The following CLDN10 variants were observed in gnomAD, a reference collection of about 807,000 sequenced individuals.
CLDN10 encodes the protein claudin-10.
CLDN10 carries 15 observed loss-of-function variants against 22.9 expected under a neutral mutation model. That is an observed-to-expected ratio of 0.65 (90% confidence interval 0.44 to 1.01). The LOEUF is 1.01. Among genes scored for constraint, CLDN10 ranks in the 50% least tolerant of loss-of-function variants. The probability of loss-of-function intolerance (pLI) is 0.00; values close to 1 mark genes in which losing one functional copy is unlikely to be tolerated. For missense variants in CLDN10, 247 were observed against 287.8 expected (o/e 0.86, Z 1.03); for synonymous variants, 114 against 111.4 (o/e 1.02, Z -0.15).
intron 1 of CLDN10, among the ~76,000 whole-genome samples, chr13:95,547,044 A>G (rs1359334176): frequency 7.3e-6 from 1 of 136,654 alleles, no homozygotes; most frequent in Non-Finnish European, 1.6e-5. Flanking sequence ...GCGGCTGGCT[A>G]ACTTTTTTTT....
intron 1 of CLDN10, among the ~76,000 whole-genome samples, chr13:95,524,750 G>A (rs1323942249): frequency 7.2e-5 from 11 of 152,068 alleles, no homozygotes; most frequent in South Asian, 2.1e-4. Flanking sequence ...TTTCCACAGC[G>A]GCTGCATCAT....
At chr13:95,518,561 G>A (rs1369188042) in intron 1 of CLDN10, among the ~76,000 whole-genome samples, 1 of 152,092 alleles carries the variant, frequency 6.6e-6, no homozygotes, top group East Asian at 1.9e-4. Context: ...TTCAAGACGA[G>A]CCTGGCCAAC....
At chr13:95,567,119 C>T (rs928564474) in intron 3 of CLDN10, among the ~76,000 whole-genome samples, 7 of 152,114 alleles carry the variant, frequency 4.6e-5, no homozygotes, top group Non-Finnish European at 8.8e-5. Flanking sequence ...CTTTTGGTTT[C>T]ATATGAATTT....
At chr13:95,541,564 G>GAGA (rs1459905336) in intron 1 of CLDN10, among the ~76,000 whole-genome samples, 2 of 152,052 alleles carry the variant, frequency 1.3e-5, no homozygotes, top group Non-Finnish European at 2.9e-5. Flanking sequence ...AGGGGAGGAG[G>GAGA]AGACAATATT....
At chr13:95,512,784 T>C (rs1409251261) in intron 1 of CLDN10, among the ~76,000 whole-genome samples, 8 of 152,250 alleles carry the variant, frequency 5.3e-5, no homozygotes, top group Non-Finnish European at 1.0e-4. Context: ...CTGAACCTGA[T>C]TAGGGAAAAA....
intron 1 of CLDN10, among the ~76,000 whole-genome samples, chr13:95,539,898 T>A (rs139404753): frequency 2.7e-3 from 404 of 152,348 alleles, no homozygotes; most frequent in African/African-American, 9.3e-3. Flanking sequence ...CTCACGCCTG[T>A]AATATCAGCA....
chr13:95,558,235 A>G (rs2043662171), intron 1 of CLDN10, among the ~76,000 whole-genome samples: 1 of 152,136 alleles, frequency 6.6e-6, no homozygotes, highest in African/African-American at 2.4e-5. Context: ...TCAAACTTGC[A>G]AGGGACTGAC....
At chr13:95,548,223 G>A (rs2043529866), upstream of CLDN10, among the ~76,000 whole-genome samples, 2 of 152,228 alleles carry the variant, frequency 1.3e-5, no homozygotes, top group African/African-American at 4.8e-5. Flanking sequence ...TAGCATCACA[G>A]AGTGAGAGTA....
chr13:95,498,252 C>G (rs184787225), intron 1 of CLDN10, among the ~76,000 whole-genome samples: 10 of 152,306 alleles, frequency 6.6e-5, no homozygotes, highest in African/African-American at 2.4e-4. Flanking sequence ...GGATCCACAA[C>G]GCCAAACTCC....
chr13:95,451,394 G>A (rs1355461550), intron 1 of CLDN10, among the ~76,000 whole-genome samples: 2 of 152,150 alleles, frequency 1.3e-5, no homozygotes, highest in East Asian at 3.9e-4. Context: ...CTAGCTAGAA[G>A]GGACTTTTGT....
intron 1 of CLDN10, among the ~76,000 whole-genome samples, chr13:95,530,982 G>C (rs1018595637): frequency 2.0e-5 from 3 of 150,584 alleles, no homozygotes; most frequent in African/African-American, 7.4e-5. Context: ...GCTGAGTGCA[G>C]CGGCACAATC....
chr13:95,448,306 T>C (rs1486515546), intron 1 of CLDN10, among the ~76,000 whole-genome samples: 1 of 152,064 alleles, frequency 6.6e-6, no homozygotes, highest in Middle Eastern at 3.4e-3. Flanking sequence ...CCATTTGCCA[T>C]GCAATCATAC....
At chr13:95,497,224 G>C (rs564845005) in intron 1 of CLDN10, 1 of 152,114 alleles carries the variant, frequency 6.6e-6, no homozygotes, top group East Asian at 1.9e-4. Flanking sequence ...ACATATTATA[G>C]TGAATGAAAC....
chr13:95,506,947 G>A (rs569830096), intron 1 of CLDN10, among the ~76,000 whole-genome samples: 17 of 152,218 alleles, frequency 1.1e-4, no homozygotes, highest in Middle Eastern at 3.4e-3. Context: ...AATTGGGGCC[G>A]GGCTGAACAT....
chr13:95,461,561 C>A (rs1464269763), intron 1 of CLDN10, among the ~76,000 whole-genome samples: 1 of 152,170 alleles, frequency 6.6e-6, no homozygotes, highest in East Asian at 1.9e-4. Flanking sequence ...ATACCAGACC[C>A]CATTTTCATT....
chr13:95,484,535 T>C (rs910764007), intron 1 of CLDN10, among the ~76,000 whole-genome samples: 1 of 151,868 alleles, frequency 6.6e-6, no homozygotes, highest in Non-Finnish European at 1.5e-5. Context: ...ATGCAGGAAA[T>C]GTAAGTGTGT....
chr13:95,469,415 T>C (rs1236035849), intron 1 of CLDN10, among the ~76,000 whole-genome samples: 3 of 152,190 alleles, frequency 2.0e-5, no homozygotes, highest in Non-Finnish European at 4.4e-5. Context: ...AGTTATTCAA[T>C]GGGATGAGAG....
intron 1 of CLDN10, among the ~76,000 whole-genome samples, chr13:95,517,368 C>A (rs1016901460): frequency 6.6e-6 from 1 of 152,038 alleles, no homozygotes; most frequent in Non-Finnish European, 1.5e-5. Flanking sequence ...AGACACCCCC[C>A]GAACCTAGGG....
intron 1 of CLDN10, among the ~76,000 whole-genome samples, chr13:95,542,071 T>C (rs2043465349): frequency 1.3e-5 from 2 of 152,212 alleles, no homozygotes; most frequent in South Asian, 2.1e-4. Context: ...GCATGTCACA[T>C]GGTCACATGG....
Sources: gnomAD v4.1 joint callset for allele counts (sites outside exome capture counted in the v4.1 genomes callset) on GRCh38, gnomAD v4.1.1 for gene constraint, MANE v1.5 for transcripts, NCBI Gene and HGNC (gene_info 2026-07-23, HGNC 2026-07-21) for gene names.